The following CNGB3 variants were observed in gnomAD, a reference collection of about 807,000 sequenced individuals.
CNGB3 encodes the protein cyclic nucleotide-gated channel beta-3.
CNGB3 carries 86 observed loss-of-function variants against 92.8 expected under a neutral mutation model. That is an observed-to-expected ratio of 0.93 (90% confidence interval 0.78 to 1.11). The LOEUF (loss-of-function observed/expected upper bound fraction) is 1.11. Among genes scored for constraint, CNGB3 ranks in the 50% least tolerant of loss-of-function variants. CNGB3 has a pLI of 0.00. For missense variants in CNGB3, 1,026 were observed against 956.8 expected, an observed-to-expected ratio of 1.07 and a Z score of -0.95; for synonymous variants, 333 against 332.7, an observed-to-expected ratio of 1.00 and a Z score of -0.01.
At chr8:86,631,526 T>C (rs1322847427) in intron 11 of CNGB3, among the ~76,000 whole-genome samples, 1 of 152,128 alleles carries the variant, frequency 6.6e-6, no homozygotes, top group African/African-American at 2.4e-5. Context: ...GAGAAAAAAT[T>C]GACTGTGATA....
At chr8:86,622,183 G>C (rs1822749691) in intron 13 of CNGB3, among the ~76,000 whole-genome samples, 1 of 152,178 alleles carries the variant, frequency 6.6e-6, no homozygotes, top group South Asian at 2.1e-4. Flanking sequence ...TCAATATGTA[G>C]TAGAGGTGTC....
intron 10 of CNGB3, among the ~76,000 whole-genome samples, chr8:86,636,497 C>T (rs754039845): frequency 6.5e-5 from 9 of 138,116 alleles, no homozygotes; most frequent in Admixed American, 4.9e-4. Context: ...CGCTTGAACC[C>T]GGGAGGCGGA....
chr8:86,706,078 TAAAC>T (rs1203345982), intron 3 of CNGB3, among the ~76,000 whole-genome samples: 1 of 152,252 alleles, frequency 6.6e-6, no homozygotes, highest in Non-Finnish European at 1.5e-5. Flanking sequence ...TACCTGTTAA[TAAAC>T]AAAACACAAT....
At chr8:86,627,953 GA>G (rs1259938300) in intron 12 of CNGB3, among the ~76,000 whole-genome samples, 1 of 152,220 alleles carries the variant, frequency 6.6e-6, no homozygotes, top group African/African-American at 2.4e-5. Flanking sequence ...TGAGGAGGAT[GA>G]AGACCTTTAT....
intron 3 of CNGB3, among the ~76,000 whole-genome samples, chr8:86,690,309 G>A (rs1311557732): frequency 1.3e-5 from 2 of 152,156 alleles, no homozygotes; most frequent in Non-Finnish European, 2.9e-5. Context: ...TTCTCTGATG[G>A]CCAGTGATGA....
Position 86,636,566 on chromosome 8 carries a change from C to T in CNGB3, c.1179-3673G>A, listed in dbSNP as rs376408788. On this transcript the variant is annotated intron_variant, in intron 10 of 17. Transcript: ENST00000320005. Reference sequence around the variant, plus strand: ...CTAGCCGGGGTGACAGAGTAAGACCCTGTCTCAAAAAAAAAAAAAAAAAAA... The same window carrying T: ...CTAGCCGGGGTGACAGAGTAAGACCTTGTCTCAAAAAAAAAAAAAAAAAAA... Among the ~76,000 whole-genome samples, 95 of 88,422 alleles carry T rather than the reference C, an allele frequency of 1.1e-3. 1 individual carries two copies. In the South Asian group the frequency reaches 0.017, roughly 16 times the overall value. The allele number at this position is 88,422 out of a possible 152,430, so 58.0% of individuals were successfully genotyped here. A position where few individuals can be genotyped will look rare whatever the true frequency, so the allele number is the denominator to read the frequency against.
At position 86,637,992 on chromosome 8, in the gene CNGB3, C is replaced by T. The variant is rs1462171744; in HGVS notation, c.1179-5099G>A. ...TGAAATCGTACAGTATATATGCTTC[C>T]GTATAAGATGTCTTTTACTCAGTAT... On this transcript the variant is annotated intron_variant, in intron 10 of 17. Transcript: ENST00000320005. 5.9e-5 allele frequency among the ~76,000 whole-genome samples: 9 copies of T among 152,116 alleles called. No individual in the cohort carries two copies. In the South Asian group the frequency reaches 1.0e-3, roughly 18 times the overall value.
chr8:86,622,494 G>A (rs984784956), intron 13 of CNGB3, among the ~76,000 whole-genome samples: 2 of 151,282 alleles, frequency 1.3e-5, no homozygotes, highest in Non-Finnish European at 2.9e-5. Flanking sequence ...TCCCCGGCAA[G>A]ACAAAAAACA....
At chr8:86,636,857 C>A (rs1823082218) in intron 10 of CNGB3, among the ~76,000 whole-genome samples, 1 of 152,224 alleles carries the variant, frequency 6.6e-6, no homozygotes, top group South Asian at 2.1e-4. Context: ...CGGTATTTCT[C>A]TTTCTGTGTC....
intron 6 of CNGB3, chr8:86,661,258 T>G (rs1823634795): frequency 2.9e-6 from 1 of 339,244 alleles, no homozygotes; most frequent in Admixed American, 3.5e-5. Context: ...TGCAAAAGAC[T>G]ATCAGGGTCG....
chr8:86,608,565 C>A (rs1479400485), intron 14 of CNGB3, among the ~76,000 whole-genome samples: 1 of 152,194 alleles, frequency 6.6e-6, no homozygotes, highest in African/African-American at 2.4e-5. Flanking sequence ...GAGGCCTAAC[C>A]GTCTCCCTGT....
At chr8:86,672,007 G>C (rs939624940) in intron 3 of CNGB3, among the ~76,000 whole-genome samples, 1 of 151,948 alleles carries the variant, frequency 6.6e-6, no homozygotes, top group Non-Finnish European at 1.5e-5. Context: ...TTTATTTTTG[G>C]GTGTTGTTTT....
At chr8:86,591,394 C>T (rs953215547) in intron 15 of CNGB3, among the ~76,000 whole-genome samples, 163 of 152,132 alleles carry the variant, frequency 1.1e-3, no homozygotes, top group African/African-American at 3.5e-3. Flanking sequence ...GAGCTGCATT[C>T]CTTTGGAGGA....
chr8:86,666,552 T>A (rs1182490363), intron 6 of CNGB3, among the ~76,000 whole-genome samples: 2 of 152,204 alleles, frequency 1.3e-5, no homozygotes, highest in African/African-American at 4.8e-5. Context: ...TTAAGGGAAG[T>A]ATTATAAATA....
chr8:86,726,590 T>C lies in CNGB3; in HGVS notation c.279A>G (p.Glu93=). Reference sequence around the variant, plus strand: ...TCTGCTCTGGCACTGTTCCAGTTGGTTCTGCTGCATTTTGAGGGTCAGGGT... The same window carrying C: ...TCTGCTCTGGCACTGTTCCAGTTGGCTCTGCTGCATTTTGAGGGTCAGGGT... ...TTNPDPQNAA[E]PTGTVPEQKE... is the part of the protein sequence containing the mutation. The change falls in exon 3 of 18, where the codon GAA becomes GAG. Residue 93 remains glutamate, a synonymous_variant. Transcript: ENST00000320005. The C allele has an allele frequency of 6.2e-7, 1 of 1,613,898 alleles. No individual in the cohort carries two copies. Among genetic ancestry groups the C allele is most frequent in the Non-Finnish European group, 8.5e-7 (1 of 1,179,816 alleles).
At chr8:86,655,043 C>T (rs1485444983) in intron 6 of CNGB3, among the ~76,000 whole-genome samples, 2 of 152,156 alleles carry the variant, frequency 1.3e-5, no homozygotes, top group African/African-American at 4.8e-5. Context: ...TCTCCTTGAG[C>T]CAAACTGCTG....
At chr8:86,721,115 C>T (rs762536058) in intron 3 of CNGB3, among the ~76,000 whole-genome samples, 40 of 151,884 alleles carry the variant, frequency 2.6e-4, no homozygotes, top group African/African-American at 9.2e-4. Flanking sequence ...TAGAGGTGCA[C>T]GCCACCAGCC....
intron 15 of CNGB3, among the ~76,000 whole-genome samples, chr8:86,602,719 C>T (rs1822331771): frequency 6.6e-6 from 1 of 152,186 alleles, no homozygotes; most frequent in Non-Finnish European, 1.5e-5. Flanking sequence ...ACTTGAGCCA[C>T]CACAGTTGAC....
Position 86,612,552 on chromosome 8 carries a change from T to C in CNGB3, c.1579-881A>G, listed in dbSNP as rs531669008. Among the ~76,000 whole-genome samples the C allele has an allele frequency of 2.2e-4, 34 of 152,304 alleles. No individual in the cohort carries two copies. In the South Asian group the frequency reaches 4.6e-3, roughly 20 times the overall value. ...GGAGAAGCAAAGGGTCTGCTTCCAA[T>C]TTGTGGATCAGACAATCATTCCTTT... On this transcript the variant is annotated intron_variant, in intron 13 of 17. Coordinates refer to ENST00000320005, the MANE Select transcript of CNGB3 (RefSeq NM_019098.5).
Sources: gnomAD v4.1 joint callset for allele counts (sites outside exome capture counted in the v4.1 genomes callset) on GRCh38, gnomAD v4.1.1 for gene constraint, MANE v1.5 for transcripts, NCBI Gene and HGNC (gene_info 2026-07-23, HGNC 2026-07-21) for gene names.